The following FTSJ1 variants were observed in gnomAD, a reference collection of about 807,000 sequenced individuals.
The protein encoded by FTSJ1 is tRNA (cytidine(32)/guanosine(34)-2'-O)-methyltransferase.
In FTSJ1, 3 loss-of-function variants were observed where a neutral mutation model predicts 28.5. The ratio of observed to expected loss-of-function variants is 0.11; its 90% CI spans 0.05 to 0.27. FTSJ1 has a LOEUF of 0.27. FTSJ1 is among the 10% of genes least tolerant of loss of function. The pLI is 1.00. For synonymous variants in FTSJ1, 104 were observed against 113.9 expected, an observed-to-expected ratio of 0.91 and a Z score of 0.55; for missense variants, 162 against 279.0, an observed-to-expected ratio of 0.58 and a Z score of 2.99.
At chrX:48,477,904 C>A in intron 1 of FTSJ1, 57 bp from the exon 2 acceptor site, 1 of 877,002 alleles carries the variant, frequency 1.1e-6, no homozygotes, top group Non-Finnish European at 1.6e-6. Flanking sequence ...TCTGTGTGAG[C>A]TGTCATGTGG....
chrX:48,477,940 G>A, intron 1 of FTSJ1, 21 bp from the exon 2 acceptor site: 1 of 1,120,878 alleles, frequency 8.9e-7, no homozygotes, highest in Non-Finnish European at 1.2e-6. Flanking sequence ...TTTAGTTTGT[G>A]TGGTTCTCTC....
Position 48,480,573 on chromosome X carries a change from G to A in FTSJ1, c.362-578G>A, listed in dbSNP as rs376523052. 7.0e-4 allele frequency among the ~76,000 whole-genome samples: 77 copies of A among 110,314 alleles called. 1 individual carries two copies. The highest frequency in any genetic ancestry group is 2.2e-3 in the African/African-American group (68 of 30,245). On this transcript the variant is annotated intron_variant, in intron 5 of 12. Transcript: ENST00000348411. ...TGTGAGGAGAAGAGGACTGTGCTGG[G>A]CTTGGGCTACTATGAGCTGTGTGAG...
chrX:48,480,356 G>A (rs1556968137), intron 5 of FTSJ1, among the ~76,000 whole-genome samples: 1 of 110,948 alleles, frequency 9.0e-6, no homozygotes, highest in Non-Finnish European at 1.9e-5. Context: ...AGGTCCTGAG[G>A]CAGGAGGGTG....
intron 9 of FTSJ1, 101 bp downstream of exon 9, chrX:48,481,816 T>A (rs1040742709): frequency 1.2e-5 from 7 of 578,596 alleles, no homozygotes; most frequent in African/African-American, 1.1e-4. Flanking sequence ...GGAGGCTCTG[T>A]CCCCTCATGG....
At position 48,482,414 on chromosome X, in the gene FTSJ1, A is replaced by G; in HGVS notation, c.667A>G (p.Asn223Asp). The change falls in exon 10 of 13, where the codon AAC becomes GAC. Residue 223 changes from asparagine (N) to aspartate (D), a missense_variant. Asn to Asp is a conservative substitution (Grantham distance 23, BLOSUM62 1). Coordinates refer to ENST00000348411, the MANE Select transcript of FTSJ1 (RefSeq NM_012280.4). ...CCCCTGTTCCTAAGACCCAGATTTC[A>G]ACCAGCTGGATGGTCCCACCCGCAT... ...LLDHSYDPDF[N>D]QLDGPTRIIV... 8.3e-7 allele frequency: 1 copy of G among 1,200,538 alleles called. No individual in the cohort carries two copies.
rs1556968618 is a variant in FTSJ1 at position 48,481,629 on chromosome X, C to T, written c.572-3C>T. 1 of 1,187,031 alleles carries T rather than the reference C, an allele frequency of 8.4e-7. No individual in the cohort carries two copies. Among genetic ancestry groups the T allele is most frequent in the Admixed American group, 2.2e-5 (1 of 46,065 alleles). On this transcript the variant is annotated splice_polypyrimidine_tract_variant and splice_region_variant and intron_variant, in intron 8 of 12. Transcript: ENST00000348411. The stretch of plus-strand genomic sequence containing the variant: ...CATGCCTCACTCCACCTTCCCCTGG[C>T]AGAGGCCTTCGCTGTCTGTCAGGGC...
intron 9 of FTSJ1, among the ~76,000 whole-genome samples, 178 bp from the exon 10 acceptor site, chrX:48,482,225 T>C (rs1252424796): frequency 9.0e-6 from 1 of 110,915 alleles, no homozygotes; most frequent in Non-Finnish European, 1.9e-5. Flanking sequence ...TTAGAAGGGG[T>C]GATTATGGAG....
chrX:48,485,539 T>C (rs1215976847), intron 12 of FTSJ1, among the ~76,000 whole-genome samples, 197 bp from the exon 13 acceptor site: 1 of 110,505 alleles, frequency 9.0e-6, no homozygotes, highest in Non-Finnish European at 1.9e-5. Context: ...CAGAGTTAGC[T>C]AGGTGTGGTG....
At chrX:48,481,052 A>C in intron 5 of FTSJ1, 99 bp from the exon 6 acceptor site, 1 of 768,940 alleles carries the variant, frequency 1.3e-6, no homozygotes, top group East Asian at 3.3e-5. Flanking sequence ...CCTTAGCAGT[A>C]AGACAGCCTG....
intron 11 of FTSJ1, 25 bp from the exon 12 acceptor site, chrX:48,482,961 A>T (rs1556969196): frequency 8.3e-7 from 1 of 1,209,650 alleles, no homozygotes. Flanking sequence ...CAAATATGTG[A>T]GTCACTTTTC....
Position 48,479,117 on chromosome X carries a change from G to T in FTSJ1, c.361+1G>T. ...GTGGTGTGTGACGGGGCTCCTGATG[G>T]TAAATAGCAACAGAAAGTGGGAGGC... On this transcript the variant is annotated splice_donor_variant, in intron 5 of 12. Coordinates refer to ENST00000348411, the MANE Select transcript of FTSJ1 (RefSeq NM_012280.4). LOFTEE classifies it high-confidence loss of function. 1 of 1,187,552 alleles carries T rather than the reference G, an allele frequency of 8.4e-7. No individual in the cohort carries two copies. Among genetic ancestry groups the T allele is most frequent in the Non-Finnish European group, 1.1e-6 (1 of 873,054 alleles).
intron 6 of FTSJ1, 39 bp from the exon 7 acceptor site, chrX:48,481,250 T>C (rs1173539512): frequency 5.0e-6 from 6 of 1,204,833 alleles, no homozygotes; most frequent in Non-Finnish European, 6.7e-6. Context: ...CCCTCCTGGC[T>C]GTCTCCACCT....
chrX:48,484,988 A>C (rs2061592863), intron 12 of FTSJ1, among the ~76,000 whole-genome samples: 1 of 111,462 alleles, frequency 9.0e-6, no homozygotes, highest in African/African-American at 3.3e-5. Context: ...TGCCAGTTCC[A>C]CTCCTAAGAA....
chrX:48,481,316 A>C lies in FTSJ1; in HGVS notation c.442A>C (p.Lys148Gln). Residue 148 changes from lysine (K) to glutamine (Q), a missense_variant, in exon 7 of 13, where the codon AAG becomes CAG. Lys to Gln is a moderately conservative substitution (Grantham distance 53). Transcript: ENST00000348411. ...AALNIATHVLKPGGCFVAKIF... is the reference protein window; with the variant it reads ...AALNIATHVLQPGGCFVAKIF... ...TCTGAACATTGCTACACATGTCCTG[A>C]AGCCAGGGGGCTGCTTTGTGGCCAA... 1 of 1,208,983 alleles carries C rather than the reference A, an allele frequency of 8.3e-7. No individual in the cohort carries two copies. The highest frequency in any genetic ancestry group is 1.1e-6 in the Non-Finnish European group (1 of 893,855).
In FTSJ1 at chrX:48,482,715, A is replaced by G. The variant is rs2061577441; in HGVS notation, c.878A>G (p.Gln293Arg). 1 of 1,206,780 alleles carries G rather than the reference A, an allele frequency of 8.3e-7. No homozygotes were observed. Among genetic ancestry groups the G allele is most frequent in the Admixed American group, 2.2e-5 (1 of 45,466 alleles). Reference protein sequence around the residue: ...KGQLAKEIRPQDCPISRVDTF... With the variant: ...KGQLAKEIRPRDCPISRVDTF... ...CAGCTGGCCAAGGAGATCCGCCCCC[A>G]GGACTGCCCCATCAGCAGAGTGGAC... The change falls in exon 11 of 13, where the codon CAG (glutamine) becomes CGG (arginine). Residue 293 changes from glutamine (Q) to arginine (R), a missense_variant. Coordinates refer to ENST00000348411, the MANE Select transcript of FTSJ1 (RefSeq NM_012280.4).
chrX:48,478,548 C>T, intron 3 of FTSJ1, 30 bp downstream of exon 3: 1 of 1,196,729 alleles, frequency 8.4e-7, no homozygotes, highest in Non-Finnish European at 1.1e-6. Flanking sequence ...ATGGGAGACC[C>T]AGGAGGGCCG....
intron 1 of FTSJ1, among the ~76,000 whole-genome samples, chrX:48,477,043 C>T (rs2061536864): frequency 9.1e-6 from 1 of 109,895 alleles, no homozygotes; most frequent in South Asian, 3.9e-4. Flanking sequence ...TAGTCAGAGT[C>T]AGTAGTTGGG....
chrX:48,481,688 A>G lies in FTSJ1; in HGVS notation c.628A>G (p.Ser210Gly), dbSNP rs1569474545. The change falls in exon 9 of 13, where the codon AGC (serine) becomes GGC (glycine). Residue 210 changes from serine (S) to glycine (G), a missense_variant. Coordinates refer to ENST00000348411, the MANE Select transcript of FTSJ1 (RefSeq NM_012280.4). Reference sequence around the variant, plus strand: ...TCCCGAGGGCTTCATCCCGGACCTGAGCAAACCCCTGCTGGACCATTCTTA... The same window carrying G: ...TCCCGAGGGCTTCATCCCGGACCTGGGCAAACCCCTGCTGGACCATTCTTA... ...DPPEGFIPDL[S>G]KPLLDHSYDP... 8.4e-7 allele frequency: 1 copy of G among 1,188,629 alleles called. No individual in the cohort carries two copies. The highest frequency in any genetic ancestry group is 1.7e-5 in the African/African-American group (1 of 57,436).
rs782003032 is a variant in FTSJ1, at chrX:48,478,272, G to T, written c.121+104G>T. The T allele has an allele frequency of 1.5e-4, 137 of 896,402 alleles. 2 individuals carry two copies. Among genetic ancestry groups the T allele is most frequent in the Non-Finnish European group, 2.1e-4 (134 of 626,205 alleles). 73.9% of individuals were successfully genotyped at this position (896,402 alleles called of 1,213,427 possible). A position where few individuals can be genotyped will look rare whatever the true frequency, so the allele number is the denominator to read the frequency against. On this transcript the variant is annotated intron_variant, in intron 2 of 12. Coordinates refer to ENST00000348411, the MANE Select transcript of FTSJ1 (RefSeq NM_012280.4). ...CCTGTGGTAGGTGGGCTGACTCAGAGGGTCTCTGGGGCAGGGAGACAGGCA... is the reference window on the plus strand; with the variant it reads ...CCTGTGGTAGGTGGGCTGACTCAGATGGTCTCTGGGGCAGGGAGACAGGCA...
Sources: allele counts gnomAD v4.1 joint callset (sites outside exome capture counted in the v4.1 genomes callset), GRCh38; gene constraint gnomAD v4.1.1; transcripts MANE v1.5; gene names NCBI Gene and HGNC (gene_info 2026-07-23, HGNC 2026-07-21).